WDR59: variants seen among roughly 807,000 people sequenced by gnomAD.
WDR59 encodes WD repeat domain 59, also known as GATOR2 complex protein WDR59.
Under a neutral mutation model 131.2 loss-of-function variants are expected in WDR59, and 100 were observed. That is an observed-to-expected ratio of 0.76 (90% CI 0.65 to 0.90). The LOEUF is 0.90. Among genes scored for constraint, WDR59 ranks in the 40% least tolerant of loss-of-function variants. The pLI, the probability that WDR59 is intolerant of heterozygous loss-of-function variation, is 0.00. For synonymous variants in WDR59, 601 were observed against 466.2 expected, an observed-to-expected ratio of 1.29 and a Z score of -3.72; for missense variants, 1,203 against 1,262.2, an observed-to-expected ratio of 0.95 and a Z score of 0.71.
chr16:74,875,145 C>T lies in WDR59; in HGVS notation c.2690-701G>A, dbSNP rs755652484. Among the ~76,000 whole-genome samples, 9 of 152,330 alleles carry T rather than the reference C, an allele frequency of 5.9e-5. No individual in the cohort carries two copies. The South Asian group carries it at 6.2e-4, about 11-fold the overall frequency. ...GCAGAGGGCAGACTGGCTTTACCAA[C>T]GCCTGCTACTGCCCACTCGCCACTG... On this transcript the variant is annotated intron_variant, in intron 25 of 25. Coordinates refer to ENST00000262144, the MANE Select transcript of WDR59 (RefSeq NM_030581.4).
intron 8 of WDR59, 105 bp downstream of exon 8, chr16:74,938,045 T>G: frequency 1.3e-6 from 1 of 745,690 alleles, no homozygotes; most frequent in Non-Finnish European, 2.0e-6. Context: ...CACCGTGAAA[T>G]ACATACTGTG....
intron 14 of WDR59, among the ~76,000 whole-genome samples, chr16:74,910,910 C>T (rs537015322): frequency 9.2e-5 from 14 of 152,300 alleles, no homozygotes; most frequent in African/African-American, 3.1e-4. Flanking sequence ...GTTGCCCAGA[C>T]TGGAGTGCAG....
At chr16:74,943,399 G>A (rs1272586225) in intron 6 of WDR59, among the ~76,000 whole-genome samples, 5 of 152,070 alleles carry the variant, frequency 3.3e-5, no homozygotes, top group African/African-American at 1.2e-4. Flanking sequence ...GTGGCCACTG[G>A]CACCACACTG....
chr16:74,935,531 T>G (rs2031729978), intron 8 of WDR59, among the ~76,000 whole-genome samples: 1 of 151,842 alleles, frequency 6.6e-6, no homozygotes, highest in Non-Finnish European at 1.5e-5. Context: ...AGCTGACCCC[T>G]TAGAATTTAG....
intron 25 of WDR59, among the ~76,000 whole-genome samples, chr16:74,883,511 C>T (rs1567684893): frequency 1.3e-5 from 2 of 152,168 alleles, no homozygotes; most frequent in Admixed American, 6.6e-5. Flanking sequence ...ACTTCTTGTA[C>T]AATTAGGCTT....
At chr16:74,952,177 G>A (rs1171554988) in intron 3 of WDR59, among the ~76,000 whole-genome samples, 4 of 151,852 alleles carry the variant, frequency 2.6e-5, no homozygotes, top group Admixed American at 6.6e-5. Flanking sequence ...AAAAGAGGCT[G>A]GGCTTGGTGG....
chr16:74,878,648 C>T (rs1190553428), intron 25 of WDR59, among the ~76,000 whole-genome samples: 2 of 151,878 alleles, frequency 1.3e-5, no homozygotes, highest in East Asian at 3.9e-4. Flanking sequence ...CTTGTTCCCA[C>T]CCCCTCGCCA....
chr16:74,877,312 GGAAAAAAACAA>G (rs1964262284), intron 25 of WDR59, among the ~76,000 whole-genome samples: 2 of 152,026 alleles, frequency 1.3e-5, no homozygotes, highest in Middle Eastern at 3.4e-3. Flanking sequence ...CACTTTAAGA[GGAAAAAAACAA>G]CAATTCCAAA....
chr16:74,904,522 A>C (rs1327227651), intron 17 of WDR59, among the ~76,000 whole-genome samples: 1 of 152,250 alleles, frequency 6.6e-6, no homozygotes, highest in Non-Finnish European at 1.5e-5. Flanking sequence ...GAGAAATTAA[A>C]GGAGACATAC....
At chr16:74,984,707 G>T in intron 1 of WDR59, 1 of 542,228 alleles carries the variant, frequency 1.8e-6, no homozygotes, top group South Asian at 2.2e-5. Flanking sequence ...CGCAGTCTCT[G>T]CCTCAGTGTC....
At chr16:74,984,816 G>A (rs551881021) in intron 1 of WDR59, 148 bp downstream of exon 1, 2 of 1,131,402 alleles carry the variant, frequency 1.8e-6, no homozygotes, top group Non-Finnish European at 1.3e-6. Context: ...TCCCCCGACG[G>A]GGCCTAAGAG....
At chr16:74,919,955 C>CA (rs1334322900) in intron 10 of WDR59, among the ~76,000 whole-genome samples, 4 of 152,044 alleles carry the variant, frequency 2.6e-5, no homozygotes, top group Non-Finnish European at 4.4e-5. Flanking sequence ...CCTGTAGTGC[C>CA]AGCTACTCAG....
intron 17 of WDR59, among the ~76,000 whole-genome samples, chr16:74,905,500 T>C (rs951003149): frequency 1.3e-5 from 2 of 151,340 alleles, no homozygotes; most frequent in Non-Finnish European, 2.9e-5. Context: ...GCTAACATGG[T>C]GAAACCCCGT....
At position 74,945,551 on chromosome 16, in the gene WDR59, C is replaced by A. The variant is rs2032564199; in HGVS notation, c.446-2725G>T. ...AGAATGTGATTGAGGCATCTGTAGACCACCTGTATTTCTATTCAGTTATAC... is the reference window on the plus strand; with the variant it reads ...AGAATGTGATTGAGGCATCTGTAGAACACCTGTATTTCTATTCAGTTATAC... On this transcript the variant is annotated intron_variant, in intron 6 of 25. Transcript: ENST00000262144. Among the ~76,000 whole-genome samples, 3 of 152,066 alleles carry A rather than the reference C, an allele frequency of 2.0e-5. No homozygotes were observed. The East Asian group carries it at 5.8e-4, about 29-fold the overall frequency.
intron 8 of WDR59, among the ~76,000 whole-genome samples, chr16:74,937,330 G>C (rs2031885189): frequency 6.6e-6 from 1 of 152,180 alleles, no homozygotes; most frequent in Non-Finnish European, 1.5e-5. Context: ...GTGAAATGCT[G>C]ATGCCTGAAA....
intron 1 of WDR59, among the ~76,000 whole-genome samples, chr16:74,973,679 AG>A (rs765900604): frequency 2.6e-5 from 4 of 152,238 alleles, no homozygotes; most frequent in Non-Finnish European, 5.9e-5. Flanking sequence ...GGTGTTGCTC[AG>A]GAAGTCTTCT....
intron 18 of WDR59, among the ~76,000 whole-genome samples, chr16:74,898,622 C>T (rs539919416): frequency 3.7e-4 from 57 of 152,298 alleles, no homozygotes; most frequent in Admixed American, 1.6e-3. Flanking sequence ...AGCCAGCTTG[C>T]GACTGTACCA....
At chr16:74,978,495 A>AAAAAC (rs972119386) in intron 1 of WDR59, among the ~76,000 whole-genome samples, 19 of 152,264 alleles carry the variant, frequency 1.2e-4, no homozygotes, top group African/African-American at 3.1e-4. Context: ...TGTCCCTTCA[A>AAAAAC]AAAACAAAAC....
chr16:74,939,757 G>A (rs1871178660), intron 7 of WDR59, among the ~76,000 whole-genome samples: 1 of 152,186 alleles, frequency 6.6e-6, no homozygotes, highest in Admixed American at 6.5e-5. Flanking sequence ...GGGAGGCCAA[G>A]GCAGGAGGAT....
Sources: allele counts gnomAD v4.1 joint callset (sites outside exome capture counted in the v4.1 genomes callset), GRCh38; gene constraint gnomAD v4.1.1; transcripts MANE v1.5; gene names NCBI Gene and HGNC (gene_info 2026-07-23, HGNC 2026-07-21).